The following ASCC3 variants were observed in gnomAD, a reference collection of about 807,000 sequenced individuals.
ASCC3 encodes the protein activating signal cointegrator 1 complex subunit 3.
Under a neutral mutation model 256.3 loss-of-function variants are expected in ASCC3, and 158 were observed. The observed-to-expected ratio is 0.62, with a 90% CI of 0.54 to 0.70. The LOEUF is 0.70. Ranked by LOEUF, ASCC3 falls within the 30% of genes least tolerant of loss-of-function variation. The probability of loss-of-function intolerance (pLI) is 0.00; values close to 1 mark genes in which losing one functional copy is unlikely to be tolerated. For missense variants in ASCC3, 2,259 were observed against 2,626.0 expected, an observed-to-expected ratio of 0.86 and a Z score of 3.05; for synonymous variants, 948 against 883.4, an observed-to-expected ratio of 1.07 and a Z score of -1.30.
At chr6:100,700,686 G>A (rs1313686993) in intron 13 of ASCC3, among the ~76,000 whole-genome samples, 3 of 152,224 alleles carry the variant, frequency 2.0e-5, no homozygotes, top group African/African-American at 7.2e-5. Context: ...TGGAGTCAAA[G>A]GAGATCATTT....
chr6:100,625,284 TTGA>T lies in ASCC3; in HGVS notation c.4690_4692del (p.Ser1564del). ...AAAGCAGTAAGACGAGTTTGACGTCTTGATGAGACAAATATCAAAACAGGTTTG... is the reference window on the plus strand; with the variant it reads ...AAAGCAGTAAGACGAGTTTGACGTCTTGAGACAAATATCAAAACAGGTTTG... On this transcript the variant is annotated inframe_deletion, in exon 30 of 42. Transcript: ENST00000369162. 6.2e-7 allele frequency: 1 copy of T among 1,613,000 alleles called. No individual in the cohort carries two copies. The highest frequency in any genetic ancestry group is 8.5e-7 in the Non-Finnish European group (1 of 1,179,250).
At chr6:100,798,329 C>G (rs945868113) in intron 8 of ASCC3, among the ~76,000 whole-genome samples, 73 of 152,004 alleles carry the variant, frequency 4.8e-4, no homozygotes, top group African/African-American at 1.7e-3. Flanking sequence ...AAAATAAATT[C>G]TTAAAACTAC....
chr6:100,679,890 C>A, intron 13 of ASCC3, 138 bp from the exon 14 acceptor site: 1 of 949,714 alleles, frequency 1.1e-6, no homozygotes, highest in South Asian at 1.4e-5. Flanking sequence ...TCCAACATAT[C>A]CCTATTTTAG....
chr6:100,742,474 G>A (rs895565740), intron 10 of ASCC3, among the ~76,000 whole-genome samples: 1 of 152,172 alleles, frequency 6.6e-6, no homozygotes, highest in African/African-American at 2.4e-5. Flanking sequence ...TGGAACAGCT[G>A]AATTGACTGA....
chr6:100,576,279 A>T (rs1314437642), intron 36 of ASCC3, among the ~76,000 whole-genome samples: 3 of 152,082 alleles, frequency 2.0e-5, no homozygotes, highest in African/African-American at 4.8e-5. Flanking sequence ...TTTAAAACTT[A>T]AAATAATGTC....
intron 25 of ASCC3, among the ~76,000 whole-genome samples, chr6:100,634,086 A>G (rs1356006244): frequency 6.6e-6 from 1 of 152,188 alleles, no homozygotes; most frequent in African/African-American, 2.4e-5. Context: ...TTGCACTACT[A>G]TACCATTTCT....
Position 100,606,794 on chromosome 6 carries a change from C to T in ASCC3, c.4990G>A (p.Gly1664Arg). Residue 1664 changes from glycine (G) to arginine (R), a missense_variant, in exon 32 of 42, where the codon GGA becomes AGA. This residue lies in a region of ASCC3 where 1,839 missense variants were observed against 2,206.7 expected (regional missense o/e 0.83). Transcript: ENST00000369162. ...GTTTTTCCATCATAGTATTCTGTTC[C>T]CTTAATAATTACTAAATGAGCTGGA... ...NFPAHLVIIK[G>R]TEYYDGKTRR... is the part of the protein sequence containing the mutation. 6.2e-7 allele frequency: 1 copy of T among 1,611,626 alleles called. No homozygotes were observed. The highest frequency in any genetic ancestry group is 8.5e-7 in the Non-Finnish European group (1 of 1,178,938).
intron 4 of ASCC3, among the ~76,000 whole-genome samples, chr6:100,837,795 G>A (rs1199896202): frequency 6.6e-6 from 1 of 151,998 alleles, no homozygotes; most frequent in Non-Finnish European, 1.5e-5. Flanking sequence ...TTAGAGAGGA[G>A]GAATAAGTTA....
At chr6:100,815,562 A>G (rs1162316364) in intron 4 of ASCC3, among the ~76,000 whole-genome samples, 1 of 152,110 alleles carries the variant, frequency 6.6e-6, no homozygotes, top group African/African-American at 2.4e-5. Flanking sequence ...TGGTACAAAA[A>G]CTGATATATA....
At chr6:100,518,658 G>C (rs1050430766) in intron 37 of ASCC3, among the ~76,000 whole-genome samples, 1 of 152,110 alleles carries the variant, frequency 6.6e-6, no homozygotes, top group African/African-American at 2.4e-5. Context: ...CACTAGCAAA[G>C]GGGGCAACTG....
At chr6:100,664,215 T>A (rs1485639753) in intron 14 of ASCC3, among the ~76,000 whole-genome samples, 6 of 151,790 alleles carry the variant, frequency 4.0e-5, no homozygotes, top group Non-Finnish European at 7.4e-5. Flanking sequence ...ATTCATGAGC[T>A]TCTTTTTGAA....
rs866228732 is a variant in ASCC3 at position 100,679,724 on chromosome 6, G to T, written c.2180C>A (p.Ala727Asp). 3 of 1,613,442 alleles carry T rather than the reference G, an allele frequency of 1.9e-6. No individual in the cohort carries two copies. In the East Asian group the frequency reaches 6.7e-5, roughly 36 times the overall value. ...QVMVFVHARN[A>D]TVRTAMSLIE... ...TAGAGACATAGCTGTTCTTACAGTG[G>T]CATTTCGAGCATGTACAAACACCAT... The change falls in exon 14 of 42, where the codon GCC becomes GAC. Residue 727 changes from alanine (A) to aspartate (D), a missense_variant. This residue lies in a region of ASCC3 where 1,839 missense variants were observed against 2,206.7 expected (regional missense o/e 0.83). Coordinates refer to ENST00000369162, the MANE Select transcript of ASCC3 (RefSeq NM_006828.4).
intron 8 of ASCC3, among the ~76,000 whole-genome samples, chr6:100,789,517 C>A (rs1292417713): frequency 6.6e-6 from 1 of 151,916 alleles, no homozygotes; most frequent in Non-Finnish European, 1.5e-5. Flanking sequence ...TATAAGCAAA[C>A]CTGAGAATTA....
intron 13 of ASCC3, among the ~76,000 whole-genome samples, chr6:100,701,145 C>T (rs1778335897): frequency 6.6e-6 from 1 of 152,182 alleles, no homozygotes; most frequent in Non-Finnish European, 1.5e-5. Context: ...ATGCATTCAA[C>T]TCCTAAACCA....
chr6:100,747,860 T>C (rs1315393135), intron 10 of ASCC3, among the ~76,000 whole-genome samples: 2 of 152,042 alleles, frequency 1.3e-5, no homozygotes, highest in African/African-American at 4.8e-5. Context: ...ATAAAGCTGA[T>C]ATAAAATGTT....
chr6:100,530,301 A>G, intron 37 of ASCC3: 1 of 1,430,834 alleles, frequency 7.0e-7, no homozygotes, highest in South Asian at 1.1e-5. Context: ...TCATCGCAGA[A>G]GGATAAAGTT....
intron 36 of ASCC3, among the ~76,000 whole-genome samples, chr6:100,565,659 A>G (rs934244811): frequency 2.5e-4 from 38 of 152,222 alleles, no homozygotes; most frequent in African/African-American, 9.1e-4. Flanking sequence ...GGCTTTCAGT[A>G]AAATATTAAC....
At chr6:100,571,510 A>G (rs1770591312) in intron 36 of ASCC3, among the ~76,000 whole-genome samples, 1 of 152,216 alleles carries the variant, frequency 6.6e-6, no homozygotes, top group East Asian at 1.9e-4. Context: ...TTTCTGCTGT[A>G]TCCTCCATGG....
chr6:100,804,251 C>T (rs1337710343), intron 5 of ASCC3, among the ~76,000 whole-genome samples: 5 of 151,984 alleles, frequency 3.3e-5, no homozygotes, highest in South Asian at 2.1e-4. Flanking sequence ...GTGTGGGTAA[C>T]GGGTCTAGGA....
Sources: gnomAD v4.1 joint callset for allele counts (sites outside exome capture counted in the v4.1 genomes callset) on GRCh38, gnomAD v4.1.1 for gene constraint, gnomAD v4.1.1 regional missense constraint, MANE v1.5 for transcripts, NCBI Gene and HGNC (gene_info 2026-07-23, HGNC 2026-07-21) for gene names.